The following CHEK1 variants were observed in gnomAD, a reference collection of about 807,000 sequenced individuals.
The protein encoded by CHEK1 is checkpoint kinase 1, also known as serine/threonine-protein kinase Chk1.
A neutral mutation model predicts 60.2 loss-of-function variants in CHEK1; 32 were observed. The ratio of observed to expected loss-of-function variants is 0.53; its 90% CI spans 0.40 to 0.71. The LOEUF (loss-of-function observed/expected upper bound fraction) is 0.71. Ranked by LOEUF, CHEK1 falls within the 30% of genes least tolerant of loss-of-function variation. CHEK1 has a pLI of 0.00. For synonymous variants in CHEK1, 179 were observed against 187.2 expected (o/e 0.96, Z 0.36); for missense variants, 399 against 564.6 (o/e 0.71, Z 2.97).
intron 5 of CHEK1, among the ~76,000 whole-genome samples, chr11:125,632,956 G>T (rs986979210): frequency 1.3e-5 from 2 of 152,098 alleles, no homozygotes; most frequent in Admixed American, 6.5e-5. Flanking sequence ...GTTAATAGAA[G>T]AGGTGAGGCC....
At chr11:125,666,416 C>T (rs936303704) in intron 13 of CHEK1, among the ~76,000 whole-genome samples, 2 of 152,012 alleles carry the variant, frequency 1.3e-5, no homozygotes, top group African/African-American at 4.8e-5. Context: ...GTTTTGTGGC[C>T]TCTCATATGG....
chr11:125,673,895 A>G (rs1942343882), intron 13 of CHEK1, among the ~76,000 whole-genome samples: 1 of 152,170 alleles, frequency 6.6e-6, no homozygotes, highest in South Asian at 2.1e-4. Flanking sequence ...ACAGTGGCTC[A>G]TGCCTGTAAT....
At chr11:125,648,688 C>A (rs1475633663) in intron 11 of CHEK1, among the ~76,000 whole-genome samples, 1 of 145,354 alleles carries the variant, frequency 6.9e-6, no homozygotes, top group African/African-American at 2.6e-5. Context: ...TTTAGTTGTC[C>A]TGGCTAGGAC....
intron 8 of CHEK1, among the ~76,000 whole-genome samples, chr11:125,639,972 T>C (rs1941220101): frequency 6.6e-6 from 1 of 152,220 alleles, no homozygotes; most frequent in South Asian, 2.1e-4. Context: ...CATATCTACA[T>C]GCTTTTTCTC....
rs1028171029 is a variant in CHEK1, at chr11:125,653,275, C to T, written c.1234-471C>T. On this transcript the variant is annotated intron_variant, in intron 11 of 12. Transcript: ENST00000438015. This position sits in a 1 kb window ranked among gnomAD's most constrained non-coding sequence, Gnocchi z 4.3. Reference sequence around the variant, plus strand: ...TGTCGCCCATGCTAGAGTGCAGTGGCGCAATCATAGCTCACTGCAGCTTCA... The same window carrying T: ...TGTCGCCCATGCTAGAGTGCAGTGGTGCAATCATAGCTCACTGCAGCTTCA... Among the ~76,000 whole-genome samples the T allele has an allele frequency of 6.6e-6, 1 of 152,106 alleles. No homozygotes were observed.
In CHEK1 at chr11:125,625,913, C is replaced by A. The variant is rs757471995; in HGVS notation, c.-120C>A. The stretch of plus-strand genomic sequence containing the variant: ...CGGGAACGCGCGCTGTCTTGCTTTA[C>A]GGCGCGGGTGCGCGAGTTTGCGGCA... On this transcript the variant is annotated 5_prime_UTR_variant, in exon 1 of 13. The change creates a premature stop within an existing upstream ORF in the 5' untranslated region. Transcript: ENST00000438015. The A allele has an allele frequency of 1.3e-5, 9 of 702,536 alleles. No homozygotes were observed. The South Asian group carries it at 1.3e-4, about 10-fold the overall frequency. 43.5% of individuals were successfully genotyped at this position (702,536 alleles called of 1,614,324 possible). A position where few individuals can be genotyped will look rare whatever the true frequency, so the allele number is the denominator to read the frequency against.
intron 13 of CHEK1, among the ~76,000 whole-genome samples, chr11:125,668,314 C>T (rs1349509172): frequency 6.6e-6 from 1 of 152,166 alleles, no homozygotes; most frequent in Non-Finnish European, 1.5e-5. Flanking sequence ...TAGAAAAATA[C>T]AGACCAGCTA....
chr11:125,629,571 GC>G, intron 5 of CHEK1, 111 bp downstream of exon 5: 1 of 748,552 alleles, frequency 1.3e-6, no homozygotes, highest in East Asian at 2.9e-5. Context: ...AAGTCTTTTT[GC>G]ATTACTGGAA....
At chr11:125,663,549 G>T (rs1942052932) in intron 13 of CHEK1, among the ~76,000 whole-genome samples, 1 of 151,994 alleles carries the variant, frequency 6.6e-6, no homozygotes, top group Non-Finnish European at 1.5e-5. Context: ...GTTCCTTGTA[G>T]ATTCTGGATA....
chr11:125,676,212 AT>A, exon 14 of CHEK1: 1 of 1,088,886 alleles, frequency 9.2e-7, no homozygotes, highest in Non-Finnish European at 1.3e-6. Context: ...CTGGCAAGGG[AT>A]TCTGTTCTTA....
intron 11 of CHEK1, among the ~76,000 whole-genome samples, chr11:125,651,284 C>CTTTTTTTTTT (rs1491232730): frequency 1.5e-5 from 2 of 133,190 alleles, no homozygotes; most frequent in African/African-American, 2.9e-5. Context: ...AAAGACAAGC[C>CTTTTTTTTTT]TCTTTTTTTT....
downstream of CHEK1, chr11:125,680,699 AT>A: frequency 6.2e-7 from 1 of 1,603,376 alleles, no homozygotes; most frequent in Non-Finnish European, 8.5e-7. Flanking sequence ...CCCCTTTTGT[AT>A]TTACCTGAAG....
intron 11 of CHEK1, among the ~76,000 whole-genome samples, chr11:125,649,297 C>T (rs1267041063): frequency 6.6e-6 from 1 of 152,166 alleles, no homozygotes; most frequent in Non-Finnish European, 1.5e-5. Flanking sequence ...AGTGACCCTC[C>T]TGCCTTGGCC....
rs535500157 is a variant in CHEK1, at chr11:125,637,374, T to C, written c.719-75T>C. The C allele has an allele frequency of 8.0e-6, 9 of 1,119,808 alleles. No individual in the cohort carries two copies. In the South Asian group the frequency reaches 8.1e-5, roughly 10 times the overall value. The allele number at this position is 1,119,808 out of a possible 1,614,324, so 69.4% of individuals were successfully genotyped here. A position where few individuals can be genotyped will look rare whatever the true frequency, so the allele number is the denominator to read the frequency against. On this transcript the variant is annotated intron_variant, in intron 7 of 12. Coordinates refer to ENST00000438015, the MANE Select transcript of CHEK1 (RefSeq NM_001114122.3). ...TAGACATAAGTAGGCTAACAGAAAA[T>C]GTGTTTCTTACCTCAAGCCATAGGC...
intron 8 of CHEK1, among the ~76,000 whole-genome samples, chr11:125,641,253 T>C (rs926087745): frequency 6.6e-6 from 1 of 152,166 alleles, no homozygotes; most frequent in African/African-American, 2.4e-5. Context: ...TTAAACACTT[T>C]CTTCATTTGG....
downstream of CHEK1, among the ~76,000 whole-genome samples, chr11:125,660,849 C>T (rs1941999629): frequency 6.6e-6 from 1 of 151,928 alleles, no homozygotes; most frequent in Non-Finnish European, 1.5e-5. Context: ...GATCTTGGCT[C>T]ACTGCAACCT....
chr11:125,626,455 G>C (rs1056117168), intron 1 of CHEK1: 1 of 457,928 alleles, frequency 2.2e-6, no homozygotes, highest in Non-Finnish European at 3.9e-6. Context: ...GTCGTTCGCC[G>C]GAAAGCATTT....
chr11:125,629,558 A>G, intron 5 of CHEK1, 98 bp downstream of exon 5: 1 of 884,144 alleles, frequency 1.1e-6, no homozygotes, highest in Non-Finnish European at 1.7e-6. Context: ...ACAAGGCAAA[A>G]TCAAGTCTTT....
Position 125,650,143 on chromosome 11 carries a change from AT to A in CHEK1, c.1234-3592del, listed in dbSNP as rs942640344. Among the ~76,000 whole-genome samples, 1,043 of 145,802 alleles carry A rather than the reference AT, an allele frequency of 7.2e-3. 13 individuals are homozygous for A. The highest frequency in any genetic ancestry group is 0.023 in the African/African-American group (921 of 40,064). On this transcript the variant is annotated intron_variant, in intron 11 of 12. Coordinates refer to ENST00000438015, the MANE Select transcript of CHEK1 (RefSeq NM_001114122.3). ...AAGTTTTTGGCCACAATTTCTTCAG[AT>A]TTTTTTTTTTATATCTAACTCTCCT...
Sources: allele counts gnomAD v4.1 joint callset (sites outside exome capture counted in the v4.1 genomes callset), GRCh38; gene constraint gnomAD v4.1.1; non-coding constraint Gnocchi (gnomAD v3.1); transcripts MANE v1.5; gene names NCBI Gene and HGNC (gene_info 2026-07-23, HGNC 2026-07-21).